AUTS2: variants seen among roughly 807,000 people sequenced by gnomAD.
The protein encoded by AUTS2 is activator of transcription and developmental regulator AUTS2.
AUTS2 carries 17 observed loss-of-function variants against 112.4 expected under a neutral mutation model. The observed-to-expected ratio is 0.15, with a 90% CI of 0.10 to 0.23. AUTS2 has a LOEUF of 0.23. AUTS2 is among the 10% of genes least tolerant of loss of function. The pLI, the probability that AUTS2 is intolerant of heterozygous loss-of-function variation, is 1.00. For missense variants in AUTS2, 1,510 were observed against 1,701.6 expected (o/e 0.89, Z 1.98); for synonymous variants, 751 against 702.7 (o/e 1.07, Z -1.09).
intron 6 of AUTS2, among the ~76,000 whole-genome samples, chr7:70,724,443 CTTTTTTT>C (rs71077675): frequency 0.024 from 2,441 of 101,390 alleles, 104 homozygotes; most frequent in African/African-American, 0.08. Context: ...TTCATCCTGA[CTTTTTTT>C]TTTTTTTTTT....
intron 4 of AUTS2, among the ~76,000 whole-genome samples, chr7:70,379,974 A>G (rs772076888): frequency 1.3e-4 from 20 of 152,350 alleles, no homozygotes; most frequent in Non-Finnish European, 2.4e-4. Context: ...ATGGTCAGGA[A>G]GACAACAAGG....
At chr7:70,632,998 A>G (rs982074851) in intron 5 of AUTS2, among the ~76,000 whole-genome samples, 1 of 133,488 alleles carries the variant, frequency 7.5e-6, no homozygotes, top group Non-Finnish European at 1.5e-5. Context: ...CTTGGGGGGA[A>G]AAAAAAAAGT....
intron 1 of AUTS2, among the ~76,000 whole-genome samples, chr7:69,864,790 T>C (rs148497343): frequency 9.8e-5 from 15 of 152,338 alleles, no homozygotes; most frequent in Admixed American, 9.8e-4. Context: ...CACTGTGATT[T>C]GTGTTGCTAA....
In AUTS2 at chr7:70,649,323, G is replaced by T. The variant is rs139856710; in HGVS notation, c.691-49246G>T. ...TTTGAGGTGGAAGGATTACTGGACC[G>T]CAGGAGGTGGAGGTGGCAATGAGCC... On this transcript the variant is annotated intron_variant, in intron 5 of 18. Transcript: ENST00000342771. Among the ~76,000 whole-genome samples, 27 of 152,244 alleles carry T rather than the reference G, an allele frequency of 1.8e-4. No homozygotes were observed. The East Asian group carries it at 5.2e-3, about 29-fold the overall frequency.
chr7:70,449,284 T>G (rs903156432), intron 5 of AUTS2, among the ~76,000 whole-genome samples: 2 of 152,224 alleles, frequency 1.3e-5, no homozygotes, highest in African/African-American at 4.8e-5. Context: ...CTTTTCAGTT[T>G]TAGCTACAGG....
intron 5 of AUTS2, among the ~76,000 whole-genome samples, chr7:70,579,966 T>C (rs867972013): frequency 6.6e-6 from 1 of 152,178 alleles, no homozygotes; most frequent in Non-Finnish European, 1.5e-5. Flanking sequence ...AGCAGGCTGC[T>C]GTGAAGTTGA....
chr7:70,061,781 CT>C (rs777176481), intron 2 of AUTS2, among the ~76,000 whole-genome samples: 786 of 140,046 alleles, frequency 5.6e-3, no homozygotes, highest in Non-Finnish European at 6.0e-3. Context: ...GTTATTTCTT[CT>C]TTTTTTTTTT....
chr7:70,443,036 A>C (rs1796182897), intron 5 of AUTS2, among the ~76,000 whole-genome samples: 1 of 152,228 alleles, frequency 6.6e-6, no homozygotes, highest in Admixed American at 6.5e-5. Context: ...TAACATTTTC[A>C]GGCAAAACCA....
At chr7:70,649,054 A>G (rs1442010009) in intron 5 of AUTS2, among the ~76,000 whole-genome samples, 2 of 152,224 alleles carry the variant, frequency 1.3e-5, no homozygotes, top group Non-Finnish European at 2.9e-5. Flanking sequence ...GTCTCTGATT[A>G]TATATGTCAA....
chr7:69,867,245 G>A (rs1009195591), intron 1 of AUTS2, among the ~76,000 whole-genome samples: 4 of 152,178 alleles, frequency 2.6e-5, no homozygotes, highest in African/African-American at 9.7e-5. Flanking sequence ...AGGCAGATAG[G>A]CCTTGAGGAC....
In AUTS2 at chr7:70,792,046, C is replaced by T. The variant is rs1165436363; in HGVS notation, c.*1050C>T. 1 of 152,618 alleles carries T rather than the reference C, an allele frequency of 6.6e-6. No individual in the cohort carries two copies. Among genetic ancestry groups the T allele is most frequent in the East Asian group, 1.9e-4 (1 of 5,200 alleles). 9.5% of individuals were successfully genotyped at this position (152,618 alleles called of 1,614,324 possible). ...CTCGTTTTGTAATGAGATTTACTTA[C>T]ACCCAAACAGATCCTGAAAGAAAGC... On this transcript the variant is annotated 3_prime_UTR_variant, in exon 19 of 19. Coordinates refer to ENST00000342771, the MANE Select transcript of AUTS2 (RefSeq NM_015570.4).
At chr7:69,921,902 C>T (rs1454499237) in intron 2 of AUTS2, among the ~76,000 whole-genome samples, 1 of 150,898 alleles carries the variant, frequency 6.6e-6, no homozygotes, top group Non-Finnish European at 1.5e-5. Flanking sequence ...CCCGTCTCTA[C>T]TAAAAATACA....
chr7:69,920,091 C>T (rs548574545), intron 2 of AUTS2, among the ~76,000 whole-genome samples: 1 of 151,748 alleles, frequency 6.6e-6, no homozygotes, highest in South Asian at 2.1e-4. Flanking sequence ...GGTGGGCATG[C>T]CTATTGGTGG....
At chr7:70,322,718 G>A (rs74474096) in intron 4 of AUTS2, among the ~76,000 whole-genome samples, 2,065 of 152,302 alleles carry the variant, frequency 0.014, 64 homozygotes, top group African/African-American at 0.047. Context: ...CCATTTTGTT[G>A]AGAGAGGCAG....
intron 2 of AUTS2, among the ~76,000 whole-genome samples, chr7:70,003,405 A>ATTTATATGAATATGT (rs1799320262): frequency 8.8e-6 from 1 of 113,180 alleles, no homozygotes; most frequent in Non-Finnish European, 1.7e-5. Context: ...AATATATATA[A>ATTTATATGAATATGT]TATATATGAA....
chr7:70,723,713 T>G (rs1347796847), intron 6 of AUTS2, among the ~76,000 whole-genome samples: 4 of 151,120 alleles, frequency 2.6e-5, no homozygotes, highest in Non-Finnish European at 5.9e-5. Context: ...TATTTATGTA[T>G]TTTCAATAAA....
At chr7:70,580,676 A>G (rs1328822825) in intron 5 of AUTS2, among the ~76,000 whole-genome samples, 3 of 152,112 alleles carry the variant, frequency 2.0e-5, no homozygotes, top group Non-Finnish European at 2.9e-5. Context: ...GAGTCAGGTT[A>G]TTTTTTAATT....
intron 1 of AUTS2, among the ~76,000 whole-genome samples, chr7:69,695,277 T>C (rs1219618731): frequency 6.6e-6 from 1 of 152,142 alleles, no homozygotes; most frequent in Admixed American, 6.5e-5. Flanking sequence ...CGCCGTGAAC[T>C]GTGATCGCAC....
chr7:70,765,481 G>T (rs1173101598), intron 8 of AUTS2, among the ~76,000 whole-genome samples: 1 of 152,146 alleles, frequency 6.6e-6, no homozygotes, highest in Non-Finnish European at 1.5e-5. Context: ...ATATATCCCA[G>T]AATTTTAAGG....
Sources: allele counts gnomAD v4.1 joint callset (sites outside exome capture counted in the v4.1 genomes callset), GRCh38; gene constraint gnomAD v4.1.1; transcripts MANE v1.5; gene names NCBI Gene and HGNC (gene_info 2026-07-23, HGNC 2026-07-21).